The following DLC1 variants were observed in gnomAD, a reference collection of about 807,000 sequenced individuals.
The protein encoded by DLC1 is rho GTPase-activating protein 7.
Under a neutral mutation model 140.3 loss-of-function variants are expected in DLC1, and 54 were observed. That is an observed-to-expected ratio of 0.38 (90% CI 0.31 to 0.48). DLC1 has a LOEUF of 0.48. DLC1 is among the 20% of genes least tolerant of loss of function. The probability of loss-of-function intolerance (pLI) is 0.96; values close to 1 mark genes in which losing one functional copy is unlikely to be tolerated. For missense variants in DLC1, 2,536 were observed against 1,907.0 expected (o/e 1.33, Z -6.14); for synonymous variants, 986 against 728.1 (o/e 1.35, Z -5.70).
intron 5 of DLC1, among the ~76,000 whole-genome samples, chr8:13,274,751 TTTCAAA>T (rs1831092062): frequency 6.6e-6 from 1 of 152,222 alleles, no homozygotes; most frequent in Non-Finnish European, 1.5e-5. Flanking sequence ...TTAGTCTTAC[TTTCAAA>T]TTAAAACATT....
chr8:13,399,323 T>C (rs1837194607), intron 3 of DLC1, among the ~76,000 whole-genome samples: 2 of 152,178 alleles, frequency 1.3e-5, no homozygotes, highest in African/African-American at 4.8e-5. Context: ...TGTAGCAGAA[T>C]GAGCATAGGC....
At chr8:13,331,966 A>T (rs1833609090) in intron 4 of DLC1, among the ~76,000 whole-genome samples, 1 of 152,180 alleles carries the variant, frequency 6.6e-6, no homozygotes, top group Admixed American at 6.5e-5. Context: ...AATGTATGTA[A>T]CTTCTACACA....
At chr8:13,373,996 T>C (rs150720340) in intron 4 of DLC1, among the ~76,000 whole-genome samples, 1 of 152,372 alleles carries the variant, frequency 6.6e-6, no homozygotes, top group East Asian at 1.9e-4. Context: ...TTTGATTGTT[T>C]TCCAAAAGCC....
rs530094718 is a variant in DLC1 at position 13,377,112 on chromosome 8, C to T, written c.1314+16441G>A. ...AGTTGAGAACAGTGTGTTTCAGTGA[C>T]GATTTCTAGGGCTTGGCTAAAGGTA... On this transcript the variant is annotated intron_variant, in intron 4 of 17. Coordinates refer to ENST00000276297, the MANE Select transcript of DLC1 (RefSeq NM_182643.3). Among the ~76,000 whole-genome samples the T allele has an allele frequency of 4.6e-5, 7 of 152,238 alleles. No individual in the cohort carries two copies. The South Asian group carries it at 8.3e-4, about 18-fold the overall frequency.
intron 2 of DLC1, among the ~76,000 whole-genome samples, chr8:13,417,455 T>C (rs1838121369): frequency 6.6e-6 from 1 of 150,520 alleles, no homozygotes; most frequent in African/African-American, 2.4e-5. Flanking sequence ...TGAGAATATG[T>C]GGTGTTTGGT....
intron 2 of DLC1, among the ~76,000 whole-genome samples, chr8:13,423,472 ATC>A (rs1838410795): frequency 6.6e-6 from 1 of 152,102 alleles, no homozygotes; most frequent in South Asian, 2.1e-4. Flanking sequence ...GTATAGTTTC[ATC>A]TCTCTGTTAT....
At chr8:13,328,848 T>G (rs1333154075) in intron 4 of DLC1, among the ~76,000 whole-genome samples, 1 of 152,092 alleles carries the variant, frequency 6.6e-6, no homozygotes, top group Non-Finnish European at 1.5e-5. Flanking sequence ...CAAAATGAGC[T>G]GGACAGTCAA....
At chr8:13,190,105 G>A (rs567884206) in intron 5 of DLC1, among the ~76,000 whole-genome samples, 11 of 152,264 alleles carry the variant, frequency 7.2e-5, no homozygotes, top group South Asian at 2.1e-4. Flanking sequence ...TTTACTCAAT[G>A]TATTCCAAAT....
At chr8:13,303,245 T>C (rs996078620) in intron 5 of DLC1, among the ~76,000 whole-genome samples, 1 of 152,214 alleles carries the variant, frequency 6.6e-6, no homozygotes, top group African/African-American at 2.4e-5. Flanking sequence ...CTCAAATCAG[T>C]CCATCCTGAG....
At chr8:13,228,486 T>G (rs1194498857) in intron 5 of DLC1, among the ~76,000 whole-genome samples, 1 of 152,136 alleles carries the variant, frequency 6.6e-6, no homozygotes, top group Non-Finnish European at 1.5e-5. Context: ...CTCACATTTG[T>G]AACCCCAACA....
intron 5 of DLC1, among the ~76,000 whole-genome samples, chr8:13,144,625 C>T (rs1244029166): frequency 3.9e-5 from 6 of 152,034 alleles, no homozygotes; most frequent in Non-Finnish European, 8.8e-5. Context: ...ATTAGCCAGG[C>T]GTGGTGGTGG....
chr8:13,283,284 T>C (rs935840958), intron 5 of DLC1, among the ~76,000 whole-genome samples: 1 of 149,504 alleles, frequency 6.7e-6, no homozygotes, highest in African/African-American at 2.5e-5. Flanking sequence ...TACCAAGGGA[T>C]CCTACTGAAA....
intron 5 of DLC1, among the ~76,000 whole-genome samples, chr8:13,219,349 A>T (rs926931215): frequency 8.4e-6 from 1 of 119,096 alleles, no homozygotes; most frequent in Non-Finnish European, 1.9e-5. Flanking sequence ...TATATAAATC[A>T]TATAGTTATA....
intron 5 of DLC1, among the ~76,000 whole-genome samples, chr8:13,200,725 C>A (rs1037982304): frequency 2.6e-5 from 4 of 152,038 alleles, no homozygotes; most frequent in African/African-American, 7.2e-5. Flanking sequence ...CTACCTCAGC[C>A]TCCTGAGTAG....
At chr8:13,157,367 A>G (rs1824326342) in intron 5 of DLC1, among the ~76,000 whole-genome samples, 2 of 152,210 alleles carry the variant, frequency 1.3e-5, no homozygotes, top group South Asian at 2.1e-4. Context: ...TTGGGAACAG[A>G]CGAAAATTTA....
chr8:13,472,051 TGGAAAATTTTTAAAG>T (rs1413497334), intron 2 of DLC1, among the ~76,000 whole-genome samples: 1 of 152,236 alleles, frequency 6.6e-6, no homozygotes, highest in African/African-American at 2.4e-5. Flanking sequence ...TCAGTTAAGA[TGGAAAATTTTTAAAG>T]TCCACACAGA....
intron 4 of DLC1, among the ~76,000 whole-genome samples, chr8:13,319,099 A>G (rs1363317185): frequency 6.6e-6 from 1 of 152,194 alleles, no homozygotes; most frequent in Admixed American, 6.5e-5. Flanking sequence ...ATTTATACCT[A>G]TAATGGGGAT....
intron 5 of DLC1, among the ~76,000 whole-genome samples, chr8:13,126,738 TTACA>T (rs1419181625): frequency 6.6e-6 from 1 of 152,216 alleles, no homozygotes; most frequent in Non-Finnish European, 1.5e-5. Context: ...ACTCTTTCTT[TTACA>T]TATGTTAGCA....
chr8:13,492,492 CTCT>C (rs1563394452), intron 2 of DLC1, among the ~76,000 whole-genome samples: 82 of 5,894 alleles, frequency 0.014, no homozygotes, highest in Non-Finnish European at 0.14. Context: ...CTATCACTTA[CTCT>C]CTCTGTCTCT....
Sources: allele counts gnomAD v4.1 joint callset (sites outside exome capture counted in the v4.1 genomes callset), GRCh38; gene constraint gnomAD v4.1.1; transcripts MANE v1.5; gene names NCBI Gene and HGNC (gene_info 2026-07-23, HGNC 2026-07-21).